Variants in FRMD4B observed in about 807,000 individuals in gnomAD.
FRMD4B encodes the protein FERM domain containing 4B, also known as FERM domain-containing protein 4B.
FRMD4B carries 74 observed loss-of-function variants against 141.5 expected under a neutral mutation model. That is an observed-to-expected ratio of 0.52 (90% CI 0.43 to 0.63). FRMD4B has a LOEUF of 0.63. FRMD4B is among the 30% of genes least tolerant of loss of function. FRMD4B has a pLI of 0.00. For missense variants in FRMD4B, 1,366 were observed against 1,253.4 expected, an observed-to-expected ratio of 1.09 and a Z score of -1.36; for synonymous variants, 506 against 467.9, an observed-to-expected ratio of 1.08 and a Z score of -1.05.
intron 19 of FRMD4B, among the ~76,000 whole-genome samples, chr3:69,185,300 CA>C (rs1237352393): frequency 0.071 from 4,796 of 67,858 alleles, 148 homozygotes; most frequent in African/African-American, 0.2. Context: ...GACTCCGTCT[CA>C]AAAAAAAAAA....
intron 5 of FRMD4B, among the ~76,000 whole-genome samples, chr3:69,277,649 C>T (rs1304105128): frequency 6.7e-6 from 1 of 150,074 alleles, no homozygotes; most frequent in African/African-American, 2.4e-5. Flanking sequence ...CCTCAGCCTC[C>T]CCGTCCCGAG....
chr3:69,453,766 G>A (rs1705537512), intron 1 of FRMD4B, among the ~76,000 whole-genome samples: 1 of 152,230 alleles, frequency 6.6e-6, no homozygotes, highest in Non-Finnish European at 1.5e-5. Context: ...CTGGCCAAGT[G>A]CATTCTCTAA....
chr3:69,235,905 A>T (rs2093342749), intron 7 of FRMD4B, among the ~76,000 whole-genome samples: 1 of 152,216 alleles, frequency 6.6e-6, no homozygotes, highest in African/African-American at 2.4e-5. Context: ...CTCCTCCAGG[A>T]TTCTAGGAAG....
intron 5 of FRMD4B, among the ~76,000 whole-genome samples, chr3:69,258,682 G>A (rs181783384): frequency 1.1e-4 from 17 of 152,110 alleles, no homozygotes; most frequent in East Asian, 9.7e-4. Flanking sequence ...TCTGAGTTGC[G>A]TATACATTAC....
At chr3:69,371,057 G>A (rs1192176281) in intron 1 of FRMD4B, among the ~76,000 whole-genome samples, 4 of 152,236 alleles carry the variant, frequency 2.6e-5, no homozygotes, top group African/African-American at 9.6e-5. Flanking sequence ...GAGTCAGGTG[G>A]TGTGGTGAAA....
intron 11 of FRMD4B, among the ~76,000 whole-genome samples, chr3:69,213,838 G>C (rs1279126263): frequency 6.6e-6 from 1 of 151,524 alleles, no homozygotes; most frequent in Non-Finnish European, 1.5e-5. Context: ...AATTTGTTAA[G>C]TTTTCTTTTT....
intron 5 of FRMD4B, among the ~76,000 whole-genome samples, chr3:69,279,476 T>C (rs1006364073): frequency 8.5e-5 from 13 of 152,198 alleles, no homozygotes; most frequent in African/African-American, 2.9e-4. Context: ...TTGTTTCTTT[T>C]AGAGACAGGG....
At chr3:69,535,533 G>A (rs770587583) in intron 1 of FRMD4B, 6 of 164,760 alleles carry the variant, frequency 3.6e-5, no homozygotes, top group African/African-American at 9.6e-5. Flanking sequence ...TGGGGGTGGC[G>A]GGCCAGGGCA....
At chr3:69,289,521 C>T (rs978069547) in intron 4 of FRMD4B, among the ~76,000 whole-genome samples, 3 of 152,202 alleles carry the variant, frequency 2.0e-5, no homozygotes, top group Non-Finnish European at 2.9e-5. Context: ...CCAGGCCAGA[C>T]GCAGTGGCTC....
chr3:69,501,822 C>A (rs556266047), intron 1 of FRMD4B, among the ~76,000 whole-genome samples: 216 of 152,302 alleles, frequency 1.4e-3, no homozygotes, highest in African/African-American at 4.8e-3. Flanking sequence ...TGATAAGCAA[C>A]TTCAGCAAAG....
chr3:69,491,664 T>G (rs948924848), intron 1 of FRMD4B, among the ~76,000 whole-genome samples: 1 of 152,198 alleles, frequency 6.6e-6, no homozygotes, highest in African/African-American at 2.4e-5. Context: ...CTTTTTAACC[T>G]AAGCACCACA....
chr3:69,267,628 TATATATATAG>T (rs2093572176), intron 5 of FRMD4B, among the ~76,000 whole-genome samples: 4 of 11,946 alleles, frequency 3.3e-4, no homozygotes, highest in African/African-American at 1.2e-3. Flanking sequence ...TATATATATA[TATATATATAG>T]AGAGAGAGAG....
chr3:69,196,801 C>T lies in FRMD4B; in HGVS notation c.1092+99G>A, dbSNP rs11917364. ...TTAAACGCAAAAAAATCTCAGAGAG[C>T]AAAAATATATGTGCTTGCATCTTTT... On this transcript the variant is annotated intron_variant, in intron 13 of 22. Coordinates refer to ENST00000398540, the MANE Select transcript of FRMD4B (RefSeq NM_015123.3). 9.8e-3 allele frequency: 9,244 copies of T among 939,720 alleles called. 407 individuals carry two copies. The African/African-American group carries it at 0.1, about 10-fold the overall frequency. The allele number at this position is 939,720 out of a possible 1,614,324, so 58.2% of individuals were successfully genotyped here. A position where few individuals can be genotyped will look rare whatever the true frequency, so the allele number is the denominator to read the frequency against.
chr3:69,249,953 T>C (rs1252170814), intron 6 of FRMD4B, 90 bp downstream of exon 6: 2 of 832,268 alleles, frequency 2.4e-6, no homozygotes, highest in African/African-American at 1.7e-5. Context: ...CAACAAACAC[T>C]GGCCCATGCA....
intron 11 of FRMD4B, among the ~76,000 whole-genome samples, chr3:69,204,022 T>C (rs1452056952): frequency 6.6e-6 from 1 of 151,832 alleles, no homozygotes; most frequent in Admixed American, 6.6e-5. Flanking sequence ...TCATTGGGGG[T>C]TTCCTGATAC....
intron 7 of FRMD4B, among the ~76,000 whole-genome samples, chr3:69,242,241 C>CCA (rs2106715161): frequency 6.6e-6 from 1 of 152,266 alleles, no homozygotes; most frequent in African/African-American, 2.4e-5. Context: ...CTCTTCACTA[C>CCA]AGCCTTCCCA....
Position 69,455,361 on chromosome 3 carries a change from A to C in FRMD4B, c.-128-22600T>G, listed in dbSNP as rs141094854. 3.5e-3 allele frequency among the ~76,000 whole-genome samples: 530 copies of C among 152,306 alleles called. 5 individuals are homozygous for C. Among genetic ancestry groups the C allele is most frequent in the African/African-American group, 0.012 (494 of 41,560 alleles). On this transcript the variant is annotated intron_variant, in intron 1 of 5. Transcript: ENST00000459638. ...GCAGTTGCTTGTTATTTGGGTCTGC[A>C]CTGCCTTTATGAGCTGTAACACTCA...
intron 5 of FRMD4B, among the ~76,000 whole-genome samples, chr3:69,267,519 G>C (rs2093568171): frequency 6.7e-6 from 1 of 150,260 alleles, no homozygotes; most frequent in South Asian, 2.1e-4. Context: ...ACTCACTACT[G>C]CACACCCAGC....
At chr3:69,377,690 T>C (rs1260440441) in intron 1 of FRMD4B, among the ~76,000 whole-genome samples, 1 of 152,168 alleles carries the variant, frequency 6.6e-6, no homozygotes, top group Non-Finnish European at 1.5e-5. Context: ...GGAGAAGACC[T>C]ACCCCTCTCG....
Sources: gnomAD v4.1 joint callset for allele counts (sites outside exome capture counted in the v4.1 genomes callset) on GRCh38, gnomAD v4.1.1 for gene constraint, MANE v1.5 for transcripts, NCBI Gene and HGNC (gene_info 2026-07-23, HGNC 2026-07-21) for gene names.